SEMA5A: variants seen among roughly 807,000 people sequenced by gnomAD.
SEMA5A encodes semaphorin 5A.
In SEMA5A, 55 loss-of-function variants were observed where a neutral mutation model predicts 135.5. That is an observed-to-expected ratio of 0.41 (90% confidence interval 0.33 to 0.51). SEMA5A has a LOEUF of 0.51. Among genes scored for constraint, SEMA5A ranks in the 20% least tolerant of loss-of-function variants. The pLI, the probability that SEMA5A is intolerant of heterozygous loss-of-function variation, is 0.37. For missense variants in SEMA5A, 1,290 were observed against 1,419.9 expected (o/e 0.91, Z 1.47); for synonymous variants, 580 against 546.5 (o/e 1.06, Z -0.85).
intron 8 of SEMA5A, among the ~76,000 whole-genome samples, chr5:9,221,551 C>CACCACGCCCGGCTAATTTTT (rs1746991973): frequency 6.6e-6 from 1 of 150,774 alleles, no homozygotes; most frequent in Non-Finnish European, 1.5e-5. Context: ...ATCCGCCCGC[C>CACCACGCCCGGCTAATTTTT]TCGGCCTCCC....
At chr5:9,266,285 AG>A (rs1682401890) in intron 5 of SEMA5A, among the ~76,000 whole-genome samples, 1 of 152,128 alleles carries the variant, frequency 6.6e-6, no homozygotes, top group African/African-American at 2.4e-5. Context: ...TTAAAGCACA[AG>A]TGAGCTTCTG....
intron 1 of SEMA5A, among the ~76,000 whole-genome samples, chr5:9,524,072 A>G (rs1736985164): frequency 6.6e-6 from 1 of 152,088 alleles, no homozygotes; most frequent in Non-Finnish European, 1.5e-5. Context: ...ATGGTTTAGC[A>G]CCATCCCCCT....
intron 10 of SEMA5A, among the ~76,000 whole-genome samples, chr5:9,196,714 C>T (rs1033385651): frequency 6.6e-6 from 1 of 152,230 alleles, no homozygotes; most frequent in African/African-American, 2.4e-5. Flanking sequence ...CAGCTGCCTG[C>T]ATCACATTCT....
At chr5:9,535,404 G>T (rs268553) in intron 1 of SEMA5A, among the ~76,000 whole-genome samples, 3 of 151,942 alleles carry the variant, frequency 2.0e-5, no homozygotes, top group African/African-American at 7.3e-5. Context: ...AGCCAAGATG[G>T]GCTGCCTGGA....
chr5:9,521,191 T>C (rs1968367), intron 1 of SEMA5A, among the ~76,000 whole-genome samples: 121,589 of 151,712 alleles, frequency 0.8, 48,839 homozygotes, highest in Middle Eastern at 0.9. Flanking sequence ...AGGCAGATCA[T>C]TTGAGGTCAG....
chr5:9,136,775 A>C (rs1741782531), intron 12 of SEMA5A, among the ~76,000 whole-genome samples, 154 bp from the exon 13 acceptor site: 1 of 152,230 alleles, frequency 6.6e-6, no homozygotes, highest in Non-Finnish European at 1.5e-5. Context: ...GAGCACAGCT[A>C]TCTGCACACT....
chr5:9,197,154 C>T lies in SEMA5A; in HGVS notation c.1068+14G>A, dbSNP rs140974140. On this transcript the variant is annotated intron_variant, in intron 10 of 22. Transcript: ENST00000382496. ...GGGGATGCCAACAGTGCCCCTTTGC[C>T]CCCCGAAAATTACCTGGAAGTGGGG... The T allele has an allele frequency of 1.2e-6, 2 of 1,613,950 alleles. No homozygotes were observed. Among genetic ancestry groups the T allele is most frequent in the African/African-American group, 1.3e-5 (1 of 74,930 alleles).
intron 11 of SEMA5A, among the ~76,000 whole-genome samples, chr5:9,167,849 G>A (rs3797926): frequency 0.11 from 16,900 of 152,052 alleles, 1,047 homozygotes; most frequent in South Asian, 0.17. Flanking sequence ...TCATGCTCTC[G>A]GGATACAGTA....
chr5:9,330,872 G>A (rs946969650), intron 4 of SEMA5A, among the ~76,000 whole-genome samples: 4 of 152,146 alleles, frequency 2.6e-5, no homozygotes, highest in Non-Finnish European at 2.9e-5. Flanking sequence ...TTGATTGGAA[G>A]AGGACAAAAA....
At chr5:9,540,203 GAACAA>G (rs1312359679) in intron 1 of SEMA5A, among the ~76,000 whole-genome samples, 1 of 152,110 alleles carries the variant, frequency 6.6e-6, no homozygotes, top group Non-Finnish European at 1.5e-5. Flanking sequence ...ACACAGCTGC[GAACAA>G]AACAGTCTCA....
At chr5:9,497,782 C>T (rs1735378711) in intron 1 of SEMA5A, among the ~76,000 whole-genome samples, 1 of 152,222 alleles carries the variant, frequency 6.6e-6, no homozygotes, top group Admixed American at 6.5e-5. Context: ...TTGCTGTTAA[C>T]CACTAGGTTG....
chr5:9,135,783 A>C (rs1741705059), intron 13 of SEMA5A, among the ~76,000 whole-genome samples: 1 of 152,216 alleles, frequency 6.6e-6, no homozygotes, highest in Non-Finnish European at 1.5e-5. Context: ...AGAGAATTTA[A>C]GATGATTCAA....
intron 3 of SEMA5A, among the ~76,000 whole-genome samples, chr5:9,340,060 TAGAG>T (rs3839323): frequency 0.16 from 23,616 of 152,154 alleles, 2,040 homozygotes; most frequent in Middle Eastern, 0.25. Context: ...GAGGTGGCTT[TAGAG>T]AAAGATAGTA....
At chr5:9,175,328 G>T (rs1744144652) in intron 11 of SEMA5A, among the ~76,000 whole-genome samples, 1 of 152,116 alleles carries the variant, frequency 6.6e-6, no homozygotes, top group Admixed American at 6.5e-5. Context: ...TCACCTCACT[G>T]CCTGTATTTC....
intron 16 of SEMA5A, among the ~76,000 whole-genome samples, chr5:9,072,771 G>A (rs1737839936): frequency 6.6e-6 from 1 of 152,126 alleles, no homozygotes; most frequent in Admixed American, 6.5e-5. Flanking sequence ...GAGAACCTTA[G>A]CATATTTTTA....
At chr5:9,348,929 A>G (rs1753993088) in intron 3 of SEMA5A, among the ~76,000 whole-genome samples, 1 of 152,238 alleles carries the variant, frequency 6.6e-6, no homozygotes, top group Non-Finnish European at 1.5e-5. Flanking sequence ...GCCAGACCTC[A>G]GCTTTAAGAC....
intron 5 of SEMA5A, among the ~76,000 whole-genome samples, chr5:9,243,960 G>A (rs1748345405): frequency 6.6e-6 from 1 of 152,110 alleles, no homozygotes; most frequent in South Asian, 2.1e-4. Context: ...CAGAGCTGTT[G>A]GCATTCAGTA....
chr5:9,416,506 C>T (rs977254636), intron 2 of SEMA5A, among the ~76,000 whole-genome samples: 4 of 152,232 alleles, frequency 2.6e-5, no homozygotes, highest in East Asian at 3.9e-4. Flanking sequence ...ATGCCTACCT[C>T]GCCCCTACCC....
At chr5:9,268,537 A>G (rs1749797798) in intron 5 of SEMA5A, among the ~76,000 whole-genome samples, 1 of 152,196 alleles carries the variant, frequency 6.6e-6, no homozygotes, top group African/African-American at 2.4e-5. Context: ...GATAGCACTG[A>G]TCTGGAATTT....
Sources: allele counts gnomAD v4.1 joint callset (sites outside exome capture counted in the v4.1 genomes callset), GRCh38; gene constraint gnomAD v4.1.1; transcripts MANE v1.5; gene names NCBI Gene and HGNC (gene_info 2026-07-23, HGNC 2026-07-21).